The following HYCC2 variants were observed in gnomAD, a reference collection of about 807,000 sequenced individuals.
HYCC2 encodes the protein hyccin 2.
At chr2:201,002,324 T>C in the HYCC2 span, among the ~76,000 whole-genome samples, 25 of 147,922 alleles carry the variant, frequency 1.7e-4, no homozygotes, top group African/African-American at 6.0e-4. Flanking sequence ...ATGCAGTTCA[T>C]AGGTAAAGAA....
At chr2:201,056,274 C>T in the HYCC2 span, among the ~76,000 whole-genome samples, 1 of 152,072 alleles carries the variant, frequency 6.6e-6, no homozygotes, top group African/African-American at 2.4e-5. Context: ...TAACATAAAC[C>T]ATATTTAGTG....
chr2:200,981,269 A>T, the HYCC2 span: 1 of 1,611,186 alleles, frequency 6.2e-7, no homozygotes. The surrounding 1 kb of genome is among the most constrained non-coding windows in gnomAD (Gnocchi z 4.5). Context: ...GGATGTCAAA[A>T]CTACACCTGG....
the HYCC2 span, chr2:201,023,934 C>T: frequency 6.4e-7 from 1 of 1,570,322 alleles, no homozygotes; most frequent in Non-Finnish European, 8.8e-7. Context: ...AAATATAATA[C>T]ATTCTGATCT....
At chr2:201,034,703 A>C in the HYCC2 span, among the ~76,000 whole-genome samples, 5 of 152,072 alleles carry the variant, frequency 3.3e-5, no homozygotes, top group Admixed American at 3.3e-4. Context: ...TCCTAGCCTC[A>C]ATGGTCTTTA....
chr2:201,005,765 G>A, the HYCC2 span, among the ~76,000 whole-genome samples: 1,520 of 152,122 alleles, frequency 1.0e-2, 28 homozygotes, highest in African/African-American at 0.034. Context: ...TAGAAAAGTC[G>A]GAGTACAAAT....
At chr2:200,988,282 C>A in the HYCC2 span, 1 of 1,611,292 alleles carries the variant, frequency 6.2e-7, no homozygotes, top group Non-Finnish European at 8.5e-7. Context: ...CCATCTATGA[C>A]GACGGATTGA....
At chr2:200,991,447 T>C in the HYCC2 span, among the ~76,000 whole-genome samples, 1 of 152,104 alleles carries the variant, frequency 6.6e-6, no homozygotes, top group Non-Finnish European at 1.5e-5. Flanking sequence ...CACACGCCTA[T>C]AGTCCCAGCT....
chr2:201,039,813 G>A, the HYCC2 span, among the ~76,000 whole-genome samples: 5 of 152,036 alleles, frequency 3.3e-5, no homozygotes, highest in Non-Finnish European at 7.4e-5. Context: ...TCGCTGAAAA[G>A]TTTCTTCAGA....
the HYCC2 span, among the ~76,000 whole-genome samples, chr2:200,993,946 G>A: frequency 6.6e-6 from 1 of 151,862 alleles, no homozygotes; most frequent in African/African-American, 2.4e-5. Context: ...CTCCAGCCTG[G>A]GTGACAGAGT....
the HYCC2 span, among the ~76,000 whole-genome samples, chr2:201,007,288 A>G: frequency 7.3e-3 from 1,118 of 152,286 alleles, 8 homozygotes; most frequent in African/African-American, 0.025. Flanking sequence ...CATCTACCCT[A>G]CTGAACATCA....
the HYCC2 span, among the ~76,000 whole-genome samples, chr2:201,057,399 T>G: frequency 6.6e-6 from 1 of 152,204 alleles, no homozygotes; most frequent in Non-Finnish European, 1.5e-5. Context: ...ACTATGATAA[T>G]AGAAGCAGAG....
At chr2:201,033,711 T>C in the HYCC2 span, among the ~76,000 whole-genome samples, 9 of 150,278 alleles carry the variant, frequency 6.0e-5, no homozygotes, top group Non-Finnish European at 1.3e-4. Context: ...GCCCAATTTT[T>C]TTTGTTGTAT....
the HYCC2 span, among the ~76,000 whole-genome samples, chr2:201,002,651 G>A: frequency 4.0e-5 from 6 of 151,706 alleles, no homozygotes; most frequent in Non-Finnish European, 5.9e-5. Context: ...TCAGCCTCCC[G>A]AGTAGCTGGG....
the HYCC2 span, among the ~76,000 whole-genome samples, chr2:201,047,445 C>CATATATAT: frequency 0.026 from 3,590 of 139,550 alleles, 184 homozygotes; most frequent in African/African-American, 0.095. Flanking sequence ...TCACAGTTCT[C>CATATATAT]ATATATATAT....
At chr2:200,981,840 A>G in the HYCC2 span, 1 of 1,613,178 alleles carries the variant, frequency 6.2e-7, no homozygotes, top group Middle Eastern at 1.7e-4. This position sits in a 1 kb window ranked among gnomAD's most constrained non-coding sequence, Gnocchi z 4.5. Flanking sequence ...TCAGGTTTAC[A>G]GACTCCTCTC....
chr2:201,028,701 C>T, the HYCC2 span, among the ~76,000 whole-genome samples: 1 of 152,120 alleles, frequency 6.6e-6, no homozygotes, highest in Non-Finnish European at 1.5e-5. Flanking sequence ...CTGACAAAAA[C>T]AAGAAACGGG....
the HYCC2 span, among the ~76,000 whole-genome samples, chr2:201,066,282 C>T: frequency 2.6e-5 from 4 of 152,148 alleles, no homozygotes; most frequent in African/African-American, 9.7e-5. Flanking sequence ...CCATGTTGGC[C>T]AGGCTGGTCT....
At chr2:200,999,490 A>C in the HYCC2 span, among the ~76,000 whole-genome samples, 1 of 151,326 alleles carries the variant, frequency 6.6e-6, no homozygotes. Flanking sequence ...GGTTCAAGCC[A>C]TTCTCTTGCC....
the HYCC2 span, chr2:201,063,761 C>T: frequency 1.1e-5 from 17 of 1,588,328 alleles, no homozygotes; most frequent in African/African-American, 2.7e-5. Flanking sequence ...CTTCAGTGGT[C>T]ATGGTGGCTT....
Sources: allele counts gnomAD v4.1 joint callset (sites outside exome capture counted in the v4.1 genomes callset), GRCh38; gene constraint gnomAD v4.1.1; non-coding constraint Gnocchi (gnomAD v3.1); transcripts MANE v1.5; gene names NCBI Gene and HGNC (gene_info 2026-07-23, HGNC 2026-07-21).